PCDH17: variants seen among roughly 807,000 people sequenced by gnomAD.
PCDH17 encodes protocadherin 17.
In PCDH17, 21 loss-of-function variants were observed where a neutral mutation model predicts 67.7. That is an observed-to-expected ratio of 0.31 (90% CI 0.22 to 0.45). The LOEUF is 0.45. Among genes scored for constraint, PCDH17 ranks in the 20% least tolerant of loss-of-function variants. PCDH17 has a pLI of 1.00. For missense variants in PCDH17, 1,471 were observed against 1,564.8 expected, an observed-to-expected ratio of 0.94 and a Z score of 1.01; for synonymous variants, 701 against 656.7, an observed-to-expected ratio of 1.07 and a Z score of -1.03.
rs1280587955 is a variant in PCDH17, at chr13:57,724,972, C to T, written c.3158C>T (p.Ser1053Phe). ...GAGCCTTGCACCTCAACAAAAGGCT[C>T]CCTGGATGGCTGTGAAGCAAAACCA... ...CIEPCTSTKG[S>F]LDGCEAKPGA... is the part of the protein sequence containing the mutation. Residue 1053 changes from serine (S) to phenylalanine (F), a missense_variant, in exon 4 of 4, where the codon TCC becomes TTC. Ser to Phe is a radical substitution (Grantham distance 155). Around this residue, in one of 3 missense-constraint regions of PCDH17, gnomAD observed 297 missense variants for 298.6 expected, o/e 0.99. Coordinates refer to ENST00000377918, the MANE Select transcript of PCDH17 (RefSeq NM_001040429.3). 2 of 1,614,156 alleles carry T rather than the reference C, an allele frequency of 1.2e-6. No individual in the cohort carries two copies. Among genetic ancestry groups the T allele is most frequent in the Non-Finnish European group, 1.7e-6 (2 of 1,180,022 alleles).
chr13:57,635,176 T>C (rs1954806839), intron 1 of PCDH17, 65 bp downstream of exon 1: 3 of 1,545,272 alleles, frequency 1.9e-6, no homozygotes, highest in Non-Finnish European at 2.6e-6. Context: ...TCCTGAAACC[T>C]TTGGAACAGG....
intron 3 of PCDH17, among the ~76,000 whole-genome samples, chr13:57,674,837 A>T (rs1166941570): frequency 6.6e-6 from 1 of 151,984 alleles, no homozygotes; most frequent in Non-Finnish European, 1.5e-5. Context: ...CAATATTAGA[A>T]GTCCTCTGTT....
chr13:57,661,466 T>C lies in PCDH17; in HGVS notation c.2566-5002T>C, dbSNP rs17175756. On this transcript the variant is annotated intron_variant, in intron 1 of 3. Transcript: ENST00000377918. ...TTCTTTGCAAAATCAACATTTCTAA[T>C]TTCATAAACTCCAACTTTTTCTTCT... Among the ~76,000 whole-genome samples, 809 of 152,292 alleles carry C rather than the reference T, an allele frequency of 5.3e-3. 6 individuals are homozygous for C. Among genetic ancestry groups the C allele is most frequent in the Admixed American group, 6.5e-3 (100 of 15,292 alleles).
rs529585735 is a variant in PCDH17, at chr13:57,674,473, C to T, written c.2797+7640C>T. Among the ~76,000 whole-genome samples the T allele has an allele frequency of 3.3e-5, 5 of 151,962 alleles. No individual in the cohort carries two copies. The South Asian group carries it at 6.2e-4, about 19-fold the overall frequency. On this transcript the variant is annotated intron_variant, in intron 3 of 3. Transcript: ENST00000377918. ...TTCAAAGTAGGACTACAGACACACA[C>T]ACCACTATACCTGGCTAATTTTTCA...
chr13:57,656,554 A>T (rs899947835), intron 1 of PCDH17, among the ~76,000 whole-genome samples: 1 of 152,038 alleles, frequency 6.6e-6, no homozygotes, highest in Non-Finnish European at 1.5e-5. Context: ...ATAACCTTTG[A>T]ATTCTTCGTC....
intron 3 of PCDH17, among the ~76,000 whole-genome samples, chr13:57,668,588 T>C (rs1955283430): frequency 6.6e-6 from 1 of 152,064 alleles, no homozygotes; most frequent in Admixed American, 6.6e-5. Context: ...CAATTTATAC[T>C]AAAAAGCTAT....
In PCDH17 at chr13:57,633,577, G is replaced by T. The variant is rs41292834; in HGVS notation, c.1031G>T (p.Arg344Leu). ...HCKVTVKLIDRNDNAPSIGFV... is the reference protein window; with the variant it reads ...HCKVTVKLIDLNDNAPSIGFV... The stretch of plus-strand genomic sequence containing the variant: ...AAAGTCACGGTCAAGCTCATCGACC[G>T]CAACGACAATGCGCCGTCCATCGGT... Residue 344 changes from arginine (R) to leucine (L), a missense_variant, in exon 1 of 4, where the codon CGC becomes CTC. By Grantham distance (102) the Arg-to-Leu change is moderately radical (BLOSUM62 -2). Transcript: ENST00000377918. This position sits in a 1 kb window ranked among gnomAD's most constrained non-coding sequence, Gnocchi z 6.2. 18,592 of 1,613,364 alleles carry T rather than the reference G, an allele frequency of 0.012. 164 individuals carry two copies. The highest frequency in any genetic ancestry group is 0.013 in the Non-Finnish European group (15,412 of 1,180,030).
chr13:57,666,795 T>C lies in PCDH17; in HGVS notation c.2759T>C (p.Met920Thr). The change falls in exon 3 of 4, where the codon ATG (methionine) becomes ACG (threonine). Residue 920 changes from methionine to threonine, a missense_variant. Coordinates refer to ENST00000377918, the MANE Select transcript of PCDH17 (RefSeq NM_001040429.3). ...ATGTCTGTTAGGGAGGCACTCAAGA[T>C]GAAAACTACTTCAACTAAAAGCCAA... The part of the protein sequence containing the change: ...CDMSVREALK[M>T]KTTSTKSQPL... 2.5e-6 allele frequency: 4 copies of C among 1,612,080 alleles called. No homozygotes were observed. Among genetic ancestry groups the C allele is most frequent in the Non-Finnish European group, 3.4e-6 (4 of 1,179,138 alleles).
intron 1 of PCDH17, among the ~76,000 whole-genome samples, chr13:57,661,780 A>G (rs745935199): frequency 6.6e-6 from 1 of 152,146 alleles, no homozygotes; most frequent in Non-Finnish European, 1.5e-5. Context: ...CTGCTTCTGG[A>G]CAGTCTTCTG....
intron 3 of PCDH17, among the ~76,000 whole-genome samples, chr13:57,681,427 T>C (rs1955449647): frequency 6.6e-6 from 1 of 151,816 alleles, no homozygotes; most frequent in Non-Finnish European, 1.5e-5. Flanking sequence ...TATTATTCTT[T>C]TGATTTACCT....
At chr13:57,707,028 TA>T (rs1593942689) in intron 3 of PCDH17, among the ~76,000 whole-genome samples, 1 of 152,096 alleles carries the variant, frequency 6.6e-6, no homozygotes, top group East Asian at 1.9e-4. Context: ...TGGTTTTTGT[TA>T]AAGAAATTGC....
intron 1 of PCDH17, among the ~76,000 whole-genome samples, chr13:57,638,337 G>A (rs1343573185): frequency 6.6e-6 from 1 of 152,064 alleles, no homozygotes; most frequent in Non-Finnish European, 1.5e-5. Flanking sequence ...CTAAGTCTCA[G>A]GGTGACTTCT....
In PCDH17 at chr13:57,645,149, A is replaced by G. The variant is rs544798875; in HGVS notation, c.2565+10038A>G. 2.0e-5 allele frequency among the ~76,000 whole-genome samples: 3 copies of G among 151,858 alleles called. No homozygotes were observed. The East Asian group carries it at 5.8e-4, about 29-fold the overall frequency. On this transcript the variant is annotated intron_variant, in intron 1 of 3. Transcript: ENST00000377918. Reference sequence around the variant, plus strand: ...ATTTAATTGATCTACACACAAACTAATGAATGATATTAAGTCTGTAAAGTG... The same window carrying G: ...ATTTAATTGATCTACACACAAACTAGTGAATGATATTAAGTCTGTAAAGTG...
Position 57,634,067 on chromosome 13 carries a change from A to G in PCDH17, c.1521A>G (p.Val507=). The change falls in exon 1 of 4, where the codon GTA becomes GTG. Residue 507 remains valine (V), a synonymous_variant. Transcript: ENST00000377918. The surrounding 1 kb of genome is among the most constrained non-coding windows in gnomAD (Gnocchi z 7.8). ...CCGACCTGGGCCAGAACGGCACCGT[A>G]TCCTACTCTATCCTGCCCTCGCACA... ...QDPDLGQNGT[V]SYSILPSHIG... The G allele has an allele frequency of 6.2e-7, 1 of 1,613,344 alleles. No individual in the cohort carries two copies. Among genetic ancestry groups the G allele is most frequent in the East Asian group, 2.2e-5 (1 of 44,822 alleles).
At chr13:57,708,658 G>A (rs1955743580) in intron 3 of PCDH17, among the ~76,000 whole-genome samples, 1 of 151,836 alleles carries the variant, frequency 6.6e-6, no homozygotes, top group African/African-American at 2.4e-5. Context: ...GCAACAGTGA[G>A]AAAAAAACCA....
intron 3 of PCDH17, among the ~76,000 whole-genome samples, chr13:57,694,276 A>C (rs1955586457): frequency 6.6e-6 from 1 of 151,244 alleles, no homozygotes; most frequent in South Asian, 2.1e-4. Flanking sequence ...TTTGGAGCAC[A>C]ATAAAATTGC....
chr13:57,674,596 G>A (rs1262367582), intron 3 of PCDH17, among the ~76,000 whole-genome samples: 1 of 151,784 alleles, frequency 6.6e-6, no homozygotes, highest in Non-Finnish European at 1.5e-5. Flanking sequence ...CAAAGTGCTG[G>A]GGTCACCAGT....
At chr13:57,638,241 G>T (rs1289606716) in intron 1 of PCDH17, among the ~76,000 whole-genome samples, 2 of 152,026 alleles carry the variant, frequency 1.3e-5, no homozygotes, top group Non-Finnish European at 2.9e-5. Context: ...TATTTTATGT[G>T]TTAATATGAA....
At chr13:57,668,078 A>G (rs1158755201) in intron 3 of PCDH17, among the ~76,000 whole-genome samples, 1 of 151,860 alleles carries the variant, frequency 6.6e-6, no homozygotes, top group Non-Finnish European at 1.5e-5. Flanking sequence ...TTAATAGTGC[A>G]ATATTGTTTT....
Sources: allele counts gnomAD v4.1 joint callset (sites outside exome capture counted in the v4.1 genomes callset), GRCh38; gene constraint gnomAD v4.1.1; regional missense constraint gnomAD v4.1.1; non-coding constraint Gnocchi (gnomAD v3.1); transcripts MANE v1.5; gene names NCBI Gene and HGNC (gene_info 2026-07-23, HGNC 2026-07-21).